Variants in SLC43A1 observed in about 807,000 individuals in gnomAD.
The protein encoded by SLC43A1 is large neutral amino acids transporter small subunit 3.
Under a neutral mutation model 59.5 loss-of-function variants are expected in SLC43A1, and 31 were observed. That is an observed-to-expected ratio of 0.52 (90% CI 0.39 to 0.70). The LOEUF is 0.70. Ranked by LOEUF, SLC43A1 falls within the 30% of genes least tolerant of loss-of-function variation. The pLI is 0.00. For synonymous variants in SLC43A1, 259 were observed against 290.9 expected (o/e 0.89, Z 1.12); for missense variants, 598 against 717.8 (o/e 0.83, Z 1.91).
At chr11:57,511,922 A>T (rs190602374) in intron 2 of SLC43A1, among the ~76,000 whole-genome samples, 2 of 152,216 alleles carry the variant, frequency 1.3e-5, no homozygotes, top group East Asian at 3.9e-4. Context: ...GGTGGGGGTG[A>T]GGCGAGTGAG....
chr11:57,503,416 C>T lies in SLC43A1; in HGVS notation c.155-2087G>A, dbSNP rs564083935. ...CCAGCTCACTGTAGCCTTGACCTCC[C>T]GAGTTCAAGTGATACCCCCACCTCA... On this transcript the variant is annotated intron_variant, in intron 2 of 14. Coordinates refer to ENST00000278426, the MANE Select transcript of SLC43A1 (RefSeq NM_003627.6). Among the ~76,000 whole-genome samples the T allele has an allele frequency of 5.9e-5, 9 of 151,850 alleles. No homozygotes were observed. The South Asian group carries it at 8.3e-4, about 14-fold the overall frequency.
chr11:57,502,337 T>C (rs1944287874), intron 2 of SLC43A1, among the ~76,000 whole-genome samples: 1 of 152,252 alleles, frequency 6.6e-6, no homozygotes, highest in Admixed American at 6.5e-5. Flanking sequence ...AACTTTCTTC[T>C]TGTCTGTAAA....
intron 2 of SLC43A1, among the ~76,000 whole-genome samples, chr11:57,507,481 A>C (rs1944418867): frequency 6.6e-6 from 1 of 152,078 alleles, no homozygotes; most frequent in South Asian, 2.1e-4. Flanking sequence ...AAATAAAAAT[A>C]AAAAATAAAA....
At position 57,492,532 on chromosome 11, in the gene SLC43A1, TTG is replaced by T. The variant is rs1319723545; in HGVS notation, c.872-672_872-671del. On this transcript the variant is annotated intron_variant, in intron 8 of 14. Coordinates refer to ENST00000278426, the MANE Select transcript of SLC43A1 (RefSeq NM_003627.6). ...ATATAATAATATAATATATATAATT[TTG>T]TGTATATATATATATATATATATAT... Among the ~76,000 whole-genome samples the T allele has an allele frequency of 2.9e-3, 283 of 96,278 alleles. 3 individuals carry two copies. Among genetic ancestry groups the T allele is most frequent in the African/African-American group, 0.011 (266 of 23,302 alleles). 63.2% of individuals were successfully genotyped at this position (96,278 alleles called of 152,430 possible). A position where few individuals can be genotyped will look rare whatever the true frequency, so the allele number is the denominator to read the frequency against.
In SLC43A1 at chr11:57,484,968, T is replaced by G. The variant is rs1943688667; in HGVS notation, c.*128A>C. On this transcript the variant is annotated 3_prime_UTR_variant, in exon 15 of 15. Transcript: ENST00000278426. ...GCAGTCTTTACAAAAATAGAACTTC[T>G]CTTGGTATTTATAAATCTACGGCCA... is the stretch of plus-strand genomic sequence containing the variant. 8.6e-7 allele frequency: 1 copy of G among 1,157,198 alleles called. No individual in the cohort carries two copies. The allele number at this position is 1,157,198 out of a possible 1,614,324, so 71.7% of individuals were successfully genotyped here.
intron 5 of SLC43A1, chr11:57,499,574 C>A (rs1565134077): frequency 1.3e-5 from 2 of 152,260 alleles, no homozygotes; most frequent in African/African-American, 4.8e-5. Flanking sequence ...CGAGGCCGGC[C>A]GGCTAACCCC....
At chr11:57,501,457 C>T (rs1944266792) in intron 2 of SLC43A1, 128 bp from the exon 3 acceptor site, 1 of 868,144 alleles carries the variant, frequency 1.2e-6, no homozygotes, top group African/African-American at 1.7e-5. Flanking sequence ...ACCCTAGAGT[C>T]ACATCTCCTC....
intron 14 of SLC43A1, among the ~76,000 whole-genome samples, chr11:57,486,448 A>AT (rs1491269865): frequency 6.6e-6 from 1 of 151,080 alleles, no homozygotes; most frequent in Non-Finnish European, 1.5e-5. Flanking sequence ...GTGAGCTGTG[A>AT]TTTTACCACT....
At chr11:57,493,414 G>A (rs1430450151) in intron 8 of SLC43A1, among the ~76,000 whole-genome samples, 1 of 134,992 alleles carries the variant, frequency 7.4e-6, no homozygotes, top group Middle Eastern at 4.0e-3. Flanking sequence ...TAAGAGGTAA[G>A]GAAATCAAGA....
chr11:57,492,736 A>C (rs28582317), intron 8 of SLC43A1, among the ~76,000 whole-genome samples: 8 of 9,706 alleles, frequency 8.2e-4, no homozygotes, highest in African/African-American at 2.9e-3. Context: ...TCTATTTTAC[A>C]AAAAAAAAAA....
intron 13 of SLC43A1, 76 bp downstream of exon 13, chr11:57,488,840 C>T: frequency 1.6e-6 from 2 of 1,248,668 alleles, no homozygotes; most frequent in Non-Finnish European, 2.4e-6. Flanking sequence ...ATGCCTGGGG[C>T]CCTCCCAACC....
chr11:57,501,204 G>C lies in SLC43A1; in HGVS notation c.280C>G (p.Leu94Val). Residue 94 changes from leucine to valine, a missense_variant, in exon 3 of 15, where the codon CTG (leucine) becomes GTG (valine). Transcript: ENST00000278426. ...CCAAAGCGGTCCATGAGGATCCCCA[G>C]TGGCAGGGTGGTGGCGCTGAGCACG... is the stretch of plus-strand genomic sequence containing the variant. Reference protein sequence around the residue: ...SFVLSATTLPLGILMDRFGPR... With the variant: ...SFVLSATTLPVGILMDRFGPR... The C allele has an allele frequency of 6.2e-7, 1 of 1,612,420 alleles. No homozygotes were observed.
intron 5 of SLC43A1, among the ~76,000 whole-genome samples, chr11:57,498,800 G>A (rs1214103054): frequency 6.6e-6 from 1 of 152,210 alleles, no homozygotes; most frequent in Non-Finnish European, 1.5e-5. Context: ...CACACCAGGA[G>A]AGAATTTAAT....
intron 11 of SLC43A1, among the ~76,000 whole-genome samples, chr11:57,490,687 C>T (rs544997296): frequency 2.9e-4 from 44 of 152,274 alleles, no homozygotes; most frequent in African/African-American, 4.6e-4. Flanking sequence ...CAGAATCAGC[C>T]GGCTGAGTCT....
In SLC43A1 at chr11:57,514,168, C is replaced by T. The variant is rs1202290910; in HGVS notation, c.-13-44G>A. 1.3e-6 allele frequency: 2 copies of T among 1,519,562 alleles called. No individual in the cohort carries two copies. Among genetic ancestry groups the T allele is most frequent in the Non-Finnish European group, 1.8e-6 (2 of 1,140,730 alleles). The allele number at this position is 1,519,562 out of a possible 1,614,324, so 94.1% of individuals were successfully genotyped here. A position where few individuals can be genotyped will look rare whatever the true frequency, so the allele number is the denominator to read the frequency against. ...CTGGGTGAAGGGCCCCCCAGTGGCC[C>T]CAGGGAAGGGTCCTGCATCATGGTG... On this transcript the variant is annotated intron_variant, in intron 1 of 14. Transcript: ENST00000278426. This position sits in a 1 kb window ranked among gnomAD's most constrained non-coding sequence, Gnocchi z 5.5.
rs770507364 is a variant in SLC43A1, at chr11:57,498,313, C to A, written c.466-468G>T. ...AAAATTAGCTAGGCATGGTGGCATG[C>A]GCCTGTAATCCCACCTACTCCAGAG... On this transcript the variant is annotated intron_variant, in intron 5 of 14. Coordinates refer to ENST00000278426, the MANE Select transcript of SLC43A1 (RefSeq NM_003627.6). Among the ~76,000 whole-genome samples, 241 of 152,118 alleles carry A rather than the reference C, an allele frequency of 1.6e-3. 2 individuals carry two copies. Among genetic ancestry groups the A allele is most frequent in the Non-Finnish European group, 1.7e-3 (114 of 67,982 alleles).
chr11:57,489,007 G>A lies in SLC43A1; in HGVS notation c.1336-18C>T. The A allele has an allele frequency of 6.2e-7, 1 of 1,611,608 alleles. No homozygotes were observed. The highest frequency in any genetic ancestry group is 1.1e-5 in the South Asian group (1 of 91,034). On this transcript the variant is annotated intron_variant, in intron 12 of 14. Transcript: ENST00000278426. Reference sequence around the variant, plus strand: ...GTCACAAACTAAAACCAAAAAGAGAGAGTGAAGAGGTTAGGAGAGTGTGTG... The same window carrying A: ...GTCACAAACTAAAACCAAAAAGAGAAAGTGAAGAGGTTAGGAGAGTGTGTG...
chr11:57,511,809 A>G (rs966177517), intron 2 of SLC43A1, among the ~76,000 whole-genome samples: 2 of 152,294 alleles, frequency 1.3e-5, no homozygotes, highest in Non-Finnish European at 1.5e-5. Flanking sequence ...ATATTACAAG[A>G]TTCCATTTAA....
intron 2 of SLC43A1, 35 bp downstream of exon 2, chr11:57,513,923 T>TGCCCC: frequency 8.6e-7 from 1 of 1,162,214 alleles, no homozygotes; most frequent in Non-Finnish European, 1.3e-6. Flanking sequence ...TTGCCATCCC[T>TGCCCC]CCCCCCAGCC....
Sources: gnomAD v4.1 joint callset for allele counts (sites outside exome capture counted in the v4.1 genomes callset) on GRCh38, gnomAD v4.1.1 for gene constraint, Gnocchi (gnomAD v3.1) non-coding constraint, MANE v1.5 for transcripts, NCBI Gene and HGNC (gene_info 2026-07-23, HGNC 2026-07-21) for gene names.